Variants in MAST4 observed in about 807,000 individuals in gnomAD.
MAST4 encodes the protein microtubule-associated serine/threonine-protein kinase 4.
A neutral mutation model predicts 162.7 loss-of-function variants in MAST4; 89 were observed. The observed-to-expected ratio is 0.55, with a 90% CI of 0.46 to 0.65. The LOEUF is 0.65. Ranked by LOEUF, MAST4 falls within the 30% of genes least tolerant of loss-of-function variation. The pLI, the probability that MAST4 is intolerant of heterozygous loss-of-function variation, is 0.00. For missense variants in MAST4, 3,153 were observed against 3,374.0 expected (o/e 0.93, Z 1.62); for synonymous variants, 1,479 against 1,361.1 (o/e 1.09, Z -1.91).
At chr5:66,858,550 A>G (rs1476851827) in intron 3 of MAST4, among the ~76,000 whole-genome samples, 5 of 152,178 alleles carry the variant, frequency 3.3e-5, no homozygotes, top group African/African-American at 4.8e-5. Context: ...TTCATGAGTG[A>G]ATCCCACATG....
intron 1 of MAST4, among the ~76,000 whole-genome samples, chr5:66,730,402 G>A (rs1751769409): frequency 6.6e-6 from 1 of 151,968 alleles, no homozygotes; most frequent in African/African-American, 2.4e-5. Flanking sequence ...TACTGTTCAG[G>A]ATGGGATTTA....
In MAST4 at chr5:67,164,478, A is replaced by G; in HGVS notation, c.5299A>G (p.Ser1767Gly). 6.2e-7 allele frequency: 1 copy of G among 1,614,052 alleles called. No homozygotes were observed. Among genetic ancestry groups the G allele is most frequent in the Middle Eastern group, 1.6e-4 (1 of 6,062 alleles). The change falls in exon 29 of 29, where the codon AGT becomes GGT. Residue 1767 changes from serine to glycine, a missense_variant. Around this residue, in one of 7 missense-constraint regions of MAST4, gnomAD observed 1,644 missense variants for 1,495.0 expected, o/e 1.10. Transcript: ENST00000403625. The surrounding 1 kb of genome is among the most constrained non-coding windows in gnomAD (Gnocchi z 5.3). Reference protein sequence around the residue: ...PLKALTGRVDSGTEKPGLVAP... With the variant: ...PLKALTGRVDGGTEKPGLVAP... ...CAAGGCCTTAACAGGCCGGGTGGAC[A>G]GTGGAACGGAGAAGCCTGGCTTGGT...
At chr5:66,654,192 C>T (rs1306902512) in intron 1 of MAST4, among the ~76,000 whole-genome samples, 1 of 152,180 alleles carries the variant, frequency 6.6e-6, no homozygotes, top group East Asian at 1.9e-4. Flanking sequence ...GGAGACTCCT[C>T]TGAGGAGTAA....
chr5:66,963,690 G>C (rs373658859), intron 4 of MAST4: 2 of 779,612 alleles, frequency 2.6e-6, no homozygotes, highest in Non-Finnish European at 4.8e-6. Flanking sequence ...TTGGAATGAC[G>C]TTATTTTAAC....
intron 19 of MAST4, among the ~76,000 whole-genome samples, chr5:67,140,644 G>GA (rs1272251427): frequency 6.6e-6 from 1 of 152,222 alleles, no homozygotes; most frequent in African/African-American, 2.4e-5. Context: ...GGGGATCGTG[G>GA]TCCACGGTGC....
Position 67,163,577 on chromosome 5 carries a change from C to G in MAST4, c.4398C>G (p.His1466Gln). The G allele has an allele frequency of 1.3e-6, 2 of 1,595,046 alleles. No individual in the cohort carries two copies. Among genetic ancestry groups the G allele is most frequent in the South Asian group, 1.1e-5 (1 of 88,618 alleles). Residue 1466 changes from histidine (H) to glutamine (Q), a missense_variant, in exon 29 of 29, where the codon CAC becomes CAG. Physicochemically the swap from His to Gln is conservative, Grantham distance 24. Coordinates refer to ENST00000403625, the MANE Select transcript of MAST4 (RefSeq NM_001164664.2). The surrounding 1 kb of genome is among the most constrained non-coding windows in gnomAD (Gnocchi z 7.0). ...SDKKHLCSRK[H>Q]SLEVTQEEVQ... ...AGAAGCACCTGTGCTCCCGCAAGCA[C>G]AGCCTGGAGGTGACCCAAGAGGAGG...
chr5:66,751,181 C>A (rs897817515), intron 1 of MAST4, among the ~76,000 whole-genome samples: 1 of 152,030 alleles, frequency 6.6e-6, no homozygotes, highest in Non-Finnish European at 1.5e-5. Flanking sequence ...GTAGATAAAA[C>A]CACAAAGATG....
chr5:66,678,036 A>G (rs999560212), intron 1 of MAST4, among the ~76,000 whole-genome samples: 1 of 152,184 alleles, frequency 6.6e-6, no homozygotes, highest in African/African-American at 2.4e-5. Flanking sequence ...GGAAGCATTG[A>G]AGAATCTAAA....
At chr5:66,889,310 G>A (rs1357476592) in intron 3 of MAST4, among the ~76,000 whole-genome samples, 1 of 152,250 alleles carries the variant, frequency 6.6e-6, no homozygotes, top group East Asian at 1.9e-4. Flanking sequence ...AAGTGGCAGG[G>A]CTGATACGCA....
chr5:66,670,898 C>T (rs970371453), intron 1 of MAST4, among the ~76,000 whole-genome samples: 4 of 152,202 alleles, frequency 2.6e-5, no homozygotes, highest in East Asian at 3.9e-4. Flanking sequence ...TTATTAATCG[C>T]GCCCTTTCGC....
chr5:67,148,986 G>A (rs559288314), intron 23 of MAST4, among the ~76,000 whole-genome samples: 253 of 152,244 alleles, frequency 1.7e-3, no homozygotes, highest in African/African-American at 5.6e-3. Context: ...TATGAAGTGG[G>A]CGGCCATGGT....
chr5:67,136,732 C>G (rs1463872041), intron 19 of MAST4, 68 bp downstream of exon 19: 1 of 1,282,670 alleles, frequency 7.8e-7, no homozygotes, highest in Non-Finnish European at 1.1e-6. Flanking sequence ...CACTCTGAAG[C>G]TTTTGTTGTT....
rs2149972756 is a variant in MAST4 at position 66,898,437 on chromosome 5, T to C, written c.643-1514T>C. 1.3e-5 allele frequency among the ~76,000 whole-genome samples: 2 copies of C among 152,324 alleles called. 1 individual carries two copies. The highest frequency in any genetic ancestry group is 4.1e-4 in the South Asian group (2 of 4,826). ...CATGTATAGAAAATTACTCATTGGT[T>C]TTCTATTTATGTTTCGGTTCCCAAG... On this transcript the variant is annotated intron_variant, in intron 3 of 28. Coordinates refer to ENST00000403625, the MANE Select transcript of MAST4 (RefSeq NM_001164664.2).
At chr5:66,891,885 A>G (rs1254388396) in intron 3 of MAST4, among the ~76,000 whole-genome samples, 1 of 152,260 alleles carries the variant, frequency 6.6e-6, no homozygotes, top group Non-Finnish European at 1.5e-5. Flanking sequence ...AGAGAAGTCC[A>G]AATACACGCA....
intron 2 of MAST4, 63 bp from the exon 3 acceptor site, chr5:66,788,607 C>CCCACCAAAAAAA: frequency 1.5e-6 from 2 of 1,373,724 alleles, no homozygotes; most frequent in Non-Finnish European, 2.0e-6. Flanking sequence ...CCCCCACCCC[C>CCCACCAAAAAAA]ATTGCAATAA....
At chr5:66,619,255 G>T (rs573667865) in intron 1 of MAST4, among the ~76,000 whole-genome samples, 4 of 152,152 alleles carry the variant, frequency 2.6e-5, no homozygotes, top group African/African-American at 9.7e-5. Context: ...CACATCAGGG[G>T]CTTGCTGGGT....
rs1758408533 is a variant in MAST4 at position 66,841,324 on chromosome 5, T to C, written c.642+52530T>C. ...AAAACTTTTCTGAGGCTTAGATTCA[T>C]TTTCTGTAATATGAAGATACTAAAA... is the stretch of plus-strand genomic sequence containing the variant. On this transcript the variant is annotated intron_variant, in intron 3 of 28. Coordinates refer to ENST00000403625, the MANE Select transcript of MAST4 (RefSeq NM_001164664.2). 2.6e-5 allele frequency among the ~76,000 whole-genome samples: 4 copies of C among 152,196 alleles called. No homozygotes were observed. The South Asian group carries it at 8.3e-4, about 32-fold the overall frequency.
rs374823697 is a variant in MAST4, at chr5:67,142,280, C to T, written c.2617+43C>T. On this transcript the variant is annotated intron_variant, in intron 20 of 28. Transcript: ENST00000403625. ...CATAAAACATTGTTTGGCCTTTACTCGATAAATAATTATCTTTGCTTTTGA... is the reference window on the plus strand; with the variant it reads ...CATAAAACATTGTTTGGCCTTTACTTGATAAATAATTATCTTTGCTTTTGA... The T allele has an allele frequency of 4.9e-5, 78 of 1,600,314 alleles. No homozygotes were observed. In the Admixed American group the frequency reaches 7.0e-4, roughly 14 times the overall value.
intron 4 of MAST4, among the ~76,000 whole-genome samples, chr5:66,914,273 A>G (rs2150024269): frequency 6.6e-6 from 1 of 152,350 alleles, no homozygotes; most frequent in East Asian, 1.9e-4. Flanking sequence ...GACAATGTGT[A>G]AGCTGATACA....
Sources: gnomAD v4.1 joint callset for allele counts (sites outside exome capture counted in the v4.1 genomes callset) on GRCh38, gnomAD v4.1.1 for gene constraint, gnomAD v4.1.1 regional missense constraint, Gnocchi (gnomAD v3.1) non-coding constraint, MANE v1.5 for transcripts, NCBI Gene and HGNC (gene_info 2026-07-23, HGNC 2026-07-21) for gene names.